The following SNX29 variants were observed in gnomAD, a reference collection of about 807,000 sequenced individuals.
The protein encoded by SNX29 is sorting nexin 29, also known as sorting nexin-29.
Under a neutral mutation model 102.1 loss-of-function variants are expected in SNX29, and 78 were observed. That is an observed-to-expected ratio of 0.76 (90% CI 0.64 to 0.92). The LOEUF (loss-of-function observed/expected upper bound fraction) is 0.92. SNX29 is among the 40% of genes least tolerant of loss of function. SNX29 has a pLI of 0.00. For missense variants in SNX29, 1,280 were observed against 1,061.7 expected (o/e 1.21, Z -2.86); for synonymous variants, 580 against 414.5 (o/e 1.40, Z -4.85).
chr16:12,193,838 T>G (rs529874943), intron 13 of SNX29, among the ~76,000 whole-genome samples: 14 of 152,320 alleles, frequency 9.2e-5, no homozygotes, highest in African/African-American at 3.4e-4. Context: ...TGGTCTGTCT[T>G]GTTGGTGTGT....
At chr16:12,546,617 C>G (rs182845724) in intron 20 of SNX29, 1 of 152,232 alleles carries the variant, frequency 6.6e-6, no homozygotes, top group African/African-American at 2.4e-5. Flanking sequence ...ACATAAATGC[C>G]AGATTGATCT....
intron 14 of SNX29, among the ~76,000 whole-genome samples, chr16:12,251,595 C>T (rs1002467229): frequency 2.6e-5 from 4 of 151,960 alleles, no homozygotes; most frequent in Admixed American, 6.6e-5. Context: ...CCCAGCTACT[C>T]GGGAGGCTGA....
intron 16 of SNX29, among the ~76,000 whole-genome samples, chr16:12,357,794 ATC>A (rs958082886): frequency 6.6e-6 from 1 of 151,814 alleles, no homozygotes; most frequent in Non-Finnish European, 1.5e-5. Context: ...GTCTTCTCTC[ATC>A]TCTCTCTCTC....
At chr16:12,231,524 G>A (rs2077768033) in intron 14 of SNX29, among the ~76,000 whole-genome samples, 1 of 143,952 alleles carries the variant, frequency 6.9e-6, no homozygotes, top group Admixed American at 7.4e-5. Flanking sequence ...CCAATTGTTG[G>A]GCCTTTTTAA....
chr16:12,442,613 C>G (rs1361819447), intron 18 of SNX29, among the ~76,000 whole-genome samples: 2 of 149,778 alleles, frequency 1.3e-5, no homozygotes, highest in Non-Finnish European at 3.0e-5. Flanking sequence ...GATATAGGGT[C>G]TCAGGCTGTC....
At chr16:12,451,769 C>T (rs1047780083) in intron 18 of SNX29, among the ~76,000 whole-genome samples, 1 of 152,194 alleles carries the variant, frequency 6.6e-6, no homozygotes, top group African/African-American at 2.4e-5. Context: ...GAGGCTGAGG[C>T]AGCAGAATCG....
chr16:12,116,831 T>C (rs2053726726), intron 11 of SNX29, among the ~76,000 whole-genome samples: 1 of 152,006 alleles, frequency 6.6e-6, no homozygotes, highest in African/African-American at 2.4e-5. Flanking sequence ...GCTTAGTCAA[T>C]ACGTGCTTCA....
chr16:12,296,537 C>T (rs1435662626), intron 15 of SNX29, among the ~76,000 whole-genome samples: 1 of 152,084 alleles, frequency 6.6e-6, no homozygotes, highest in Non-Finnish European at 1.5e-5. Context: ...CCATGTGATC[C>T]CCTGCCATTG....
intron 16 of SNX29, chr16:12,373,684 A>G (rs1051866456): frequency 2.6e-5 from 4 of 152,216 alleles, no homozygotes; most frequent in African/African-American, 4.8e-5. Context: ...GATACAGAGT[A>G]TAAAGCATTG....
chr16:12,284,112 T>C (rs567613516), intron 15 of SNX29, among the ~76,000 whole-genome samples: 2 of 152,364 alleles, frequency 1.3e-5, no homozygotes, highest in African/African-American at 2.4e-5. Context: ...TTCTATTCTT[T>C]TTCAGCAGTT....
In SNX29 at chr16:12,003,013, G is replaced by T; in HGVS notation, c.92G>T (p.Arg31Ile). Residue 31 changes from arginine to isoleucine, a missense_variant, in exon 3 of 21, where the codon AGA (arginine) becomes ATA (isoleucine). Arg to Ile is a moderately conservative substitution (Grantham distance 97). Coordinates refer to ENST00000566228, the MANE Select transcript of SNX29 (RefSeq NM_032167.5). Reference sequence around the variant, plus strand: ...CAGTGCCAGATCCGCTTTGGAGGGAGAAAGGAGATTGCCTCGGATTCCGAC... The same window carrying T: ...CAGTGCCAGATCCGCTTTGGAGGGATAAAGGAGATTGCCTCGGATTCCGAC... ...VKQCQIRFGG[R>I]KEIASDSDSR... 2 of 1,614,218 alleles carry T rather than the reference G, an allele frequency of 1.2e-6. No individual in the cohort carries two copies. Among genetic ancestry groups the T allele is most frequent in the Non-Finnish European group, 1.7e-6 (2 of 1,180,042 alleles).
chr16:12,387,807 G>C lies in SNX29; in HGVS notation c.1900-10639G>C, dbSNP rs535623927. The stretch of plus-strand genomic sequence containing the variant: ...AACTAATCAGTGAAGAGCTTCATGA[G>C]AACATTCTTCCCCTACTTCCATGCC... On this transcript the variant is annotated intron_variant, in intron 16 of 20. Transcript: ENST00000566228. 5.6e-4 allele frequency among the ~76,000 whole-genome samples: 86 copies of C among 152,256 alleles called. 1 individual carries two copies. The South Asian group carries it at 0.016, about 29-fold the overall frequency.
intron 18 of SNX29, among the ~76,000 whole-genome samples, chr16:12,458,180 C>T (rs1006270797): frequency 4.6e-5 from 7 of 152,184 alleles, no homozygotes; most frequent in Admixed American, 3.3e-4. Flanking sequence ...ACCTCAGGCC[C>T]ATTGGGAAGT....
chr16:12,275,711 C>T (rs1304396625), intron 14 of SNX29, among the ~76,000 whole-genome samples: 9 of 144,812 alleles, frequency 6.2e-5, no homozygotes, highest in African/African-American at 1.3e-4. Flanking sequence ...TTTTTGTGAG[C>T]GATGTCTTTA....
chr16:12,333,713 G>A (rs1426194553), intron 15 of SNX29, among the ~76,000 whole-genome samples: 1 of 152,048 alleles, frequency 6.6e-6, no homozygotes, highest in Non-Finnish European at 1.5e-5. Context: ...TTCTTCCCAA[G>A]CAGGTGAGAA....
chr16:12,553,490 A>G (rs2078121785), intron 20 of SNX29, among the ~76,000 whole-genome samples: 1 of 152,146 alleles, frequency 6.6e-6, no homozygotes, highest in African/African-American at 2.4e-5. Context: ...TAGACCAGGC[A>G]GGGCAGGTGC....
At chr16:12,425,158 G>C (rs1476024070) in intron 18 of SNX29, among the ~76,000 whole-genome samples, 1 of 152,236 alleles carries the variant, frequency 6.6e-6, no homozygotes, top group Non-Finnish European at 1.5e-5. Context: ...TGTGCTCTTG[G>C]AGGTTGTCCT....
At chr16:12,491,010 A>G (rs1203731627) in intron 19 of SNX29, among the ~76,000 whole-genome samples, 3 of 152,244 alleles carry the variant, frequency 2.0e-5, no homozygotes, top group Non-Finnish European at 2.9e-5. Context: ...CATCAATGAT[A>G]CTTATTCTTT....
At chr16:12,210,991 A>G (rs972397346) in intron 14 of SNX29, among the ~76,000 whole-genome samples, 13 of 152,130 alleles carry the variant, frequency 8.5e-5, no homozygotes, top group African/African-American at 3.1e-4. Flanking sequence ...AATTAGATGT[A>G]AAGTTCCCAG....
Sources: allele counts gnomAD v4.1 joint callset (sites outside exome capture counted in the v4.1 genomes callset), GRCh38; gene constraint gnomAD v4.1.1; transcripts MANE v1.5; gene names NCBI Gene and HGNC (gene_info 2026-07-23, HGNC 2026-07-21).